The following NRG3 variants were observed in gnomAD, a reference collection of about 807,000 sequenced individuals.
NRG3 encodes neuregulin 3.
A neutral mutation model predicts 66.9 loss-of-function variants in NRG3; 31 were observed. The observed-to-expected ratio is 0.46, with a 90% CI of 0.35 to 0.63. The LOEUF (loss-of-function observed/expected upper bound fraction) is 0.63. Among genes scored for constraint, NRG3 ranks in the 20% least tolerant of loss-of-function variants. The probability of loss-of-function intolerance (pLI) is 0.00; values close to 1 mark genes in which losing one functional copy is unlikely to be tolerated. For missense variants in NRG3, 910 were observed against 878.9 expected (o/e 1.04, Z -0.45); for synonymous variants, 393 against 359.4 (o/e 1.09, Z -1.06).
intron 2 of NRG3, among the ~76,000 whole-genome samples, chr10:82,447,775 G>T (rs2090813880): frequency 6.6e-6 from 1 of 152,168 alleles, no homozygotes; most frequent in South Asian, 2.1e-4. Flanking sequence ...AAGAGCTTGA[G>T]GCTCCTCTGC....
intron 1 of NRG3, among the ~76,000 whole-genome samples, chr10:82,090,330 A>G (rs150267105): frequency 4.3e-4 from 65 of 152,318 alleles, no homozygotes; most frequent in Non-Finnish European, 8.8e-4. Context: ...TTTATTGTTT[A>G]TAGCTATCAG....
chr10:82,225,723 A>G (rs2076136009), intron 1 of NRG3, among the ~76,000 whole-genome samples: 1 of 152,218 alleles, frequency 6.6e-6, no homozygotes, highest in Non-Finnish European at 1.5e-5. Flanking sequence ...GTAAGGTCTT[A>G]GGATATTCCT....
At chr10:82,781,661 T>C (rs992514672) in intron 3 of NRG3, among the ~76,000 whole-genome samples, 43 of 152,180 alleles carry the variant, frequency 2.8e-4, no homozygotes, top group African/African-American at 9.9e-4. Context: ...CCCTAACACA[T>C]CCCACCCTTA....
intron 1 of NRG3, among the ~76,000 whole-genome samples, chr10:81,894,552 A>G (rs936980511): frequency 6.6e-6 from 1 of 152,146 alleles, no homozygotes; most frequent in Non-Finnish European, 1.5e-5. Context: ...TTGAGGCACT[A>G]GAGTTTACGG....
chr10:81,882,827 C>T (rs1377985911), intron 1 of NRG3, among the ~76,000 whole-genome samples: 3 of 152,092 alleles, frequency 2.0e-5, no homozygotes, highest in Non-Finnish European at 1.5e-5. Flanking sequence ...TCCTGGCACA[C>T]ACAATAAAAT....
chr10:82,490,644 C>G (rs958450383), intron 2 of NRG3, among the ~76,000 whole-genome samples: 7 of 152,092 alleles, frequency 4.6e-5, no homozygotes, highest in Non-Finnish European at 8.8e-5. Context: ...TTTCCAAACT[C>G]TAGACTTGTA....
intron 1 of NRG3, among the ~76,000 whole-genome samples, chr10:82,036,520 C>T (rs1194327833): frequency 2.0e-5 from 3 of 152,100 alleles, no homozygotes; most frequent in Non-Finnish European, 2.9e-5. Flanking sequence ...TGATTCAAAG[C>T]TTATGCTTTA....
intron 2 of NRG3, among the ~76,000 whole-genome samples, chr10:82,362,586 C>T (rs2084257174): frequency 7.7e-6 from 1 of 129,344 alleles, no homozygotes; most frequent in African/African-American, 2.9e-5. Context: ...AATGGGGCCT[C>T]ACTAGGTTGC....
chr10:82,452,527 C>T (rs1186273851), intron 2 of NRG3, among the ~76,000 whole-genome samples: 2 of 152,108 alleles, frequency 1.3e-5, no homozygotes, highest in Admixed American at 1.3e-4. Flanking sequence ...GTATAATATC[C>T]ATGTGAGAAT....
intron 2 of NRG3, among the ~76,000 whole-genome samples, chr10:82,474,496 C>T (rs1029489880): frequency 9.2e-5 from 14 of 152,030 alleles, no homozygotes; most frequent in African/African-American, 2.4e-5. Flanking sequence ...AAGGGTTCAA[C>T]AGCAGATTTG....
chr10:82,461,234 ACCACCACCACCACTG>A (rs1250336137), intron 2 of NRG3, among the ~76,000 whole-genome samples: 6 of 147,484 alleles, frequency 4.1e-5, no homozygotes, highest in South Asian at 2.1e-4. Flanking sequence ...CAACACCACC[ACCACCACCACCACTG>A]CCACCACCAC....
intron 1 of NRG3, among the ~76,000 whole-genome samples, chr10:82,179,399 T>C (rs2073262424): frequency 6.6e-6 from 1 of 152,030 alleles, no homozygotes; most frequent in African/African-American, 2.4e-5. Context: ...TGTAAGTCTT[T>C]ACCACATTTT....
chr10:82,764,882 G>C (rs757522301), intron 3 of NRG3, among the ~76,000 whole-genome samples: 1 of 152,104 alleles, frequency 6.6e-6, no homozygotes, highest in Non-Finnish European at 1.5e-5. Context: ...AAAGAAAAGA[G>C]AGAGAGAGAA....
intron 2 of NRG3, among the ~76,000 whole-genome samples, chr10:82,408,081 G>GAGAGAGAGAGAC (rs1564888020): frequency 4.5e-5 from 3 of 67,030 alleles, no homozygotes; most frequent in African/African-American, 2.0e-4. Flanking sequence ...GAGAGAGAGA[G>GAGAGAGAGAGAC]AGACAGAAAG....
chr10:82,561,203 C>G (rs1436695791), intron 2 of NRG3, among the ~76,000 whole-genome samples: 2 of 152,154 alleles, frequency 1.3e-5, no homozygotes, highest in Non-Finnish European at 2.9e-5. Context: ...TTTAATGCCT[C>G]TTGGGGGAGG....
intron 2 of NRG3, among the ~76,000 whole-genome samples, chr10:82,425,145 G>A (rs1046718943): frequency 6.6e-6 from 1 of 152,078 alleles, no homozygotes; most frequent in South Asian, 2.1e-4. Flanking sequence ...AATTCTCTAC[G>A]AACTTAGGAT....
intron 2 of NRG3, among the ~76,000 whole-genome samples, chr10:82,641,979 A>C (rs1237634049): frequency 1.3e-5 from 2 of 151,314 alleles, no homozygotes; most frequent in Non-Finnish European, 2.9e-5. Context: ...CATCCCCTCA[A>C]CCTCCCCCTT....
chr10:82,803,528 T>C (rs929179126), intron 3 of NRG3, among the ~76,000 whole-genome samples: 1 of 152,204 alleles, frequency 6.6e-6, no homozygotes, highest in African/African-American at 2.4e-5. Flanking sequence ...AATCTTGTGA[T>C]GTATAATTTT....
At chr10:82,424,340 A>T (rs1396400429) in intron 2 of NRG3, among the ~76,000 whole-genome samples, 3 of 152,056 alleles carry the variant, frequency 2.0e-5, no homozygotes, top group Admixed American at 2.0e-4. Context: ...GATATTAATC[A>T]TCCTATTGGA....
Sources: gnomAD v4.1 joint callset for allele counts (sites outside exome capture counted in the v4.1 genomes callset) on GRCh38, gnomAD v4.1.1 for gene constraint, MANE v1.5 for transcripts, NCBI Gene and HGNC (gene_info 2026-07-23, HGNC 2026-07-21) for gene names.